Variants in SHANK2 observed in about 807,000 individuals in gnomAD.
The protein encoded by SHANK2 is SH3 and multiple ankyrin repeat domains 2, also known as SH3 and multiple ankyrin repeat domains protein 2.
A neutral mutation model predicts 133.7 loss-of-function variants in SHANK2; 43 were observed. The ratio of observed to expected loss-of-function variants is 0.32; its 90% CI spans 0.25 to 0.41. The LOEUF (loss-of-function observed/expected upper bound fraction) is 0.41, where lower values mean the gene tolerates loss of function less well. SHANK2 is among the 10% of genes least tolerant of loss of function. SHANK2 has a pLI of 1.00. For synonymous variants in SHANK2, 1,017 were observed against 952.8 expected, an observed-to-expected ratio of 1.07 and a Z score of -1.24; for missense variants, 1,994 against 2,235.8, an observed-to-expected ratio of 0.89 and a Z score of 2.18.
In SHANK2 at chr11:70,522,455, C is replaced by T. The variant is rs1003568235; in HGVS notation, c.2062-19524G>A. On this transcript the variant is annotated intron_variant, in intron 17 of 25. Transcript: ENST00000601538. ...CGGGCGCCCTCCCAGGGCAGCCACA[C>T]TTCTGCACGTGCAGGGTTCTCATTA... Among the ~76,000 whole-genome samples, 7 of 152,260 alleles carry T rather than the reference C, an allele frequency of 4.6e-5. No individual in the cohort carries two copies. In the East Asian group the frequency reaches 1.3e-3, roughly 29 times the overall value.
chr11:70,893,117 G>A (rs527486355), intron 11 of SHANK2, among the ~76,000 whole-genome samples: 2 of 152,348 alleles, frequency 1.3e-5, no homozygotes, highest in South Asian at 2.1e-4. Context: ...GCATCTGGAC[G>A]TGGAGGTTTG....
chr11:70,709,761 T>C (rs1214659157), intron 14 of SHANK2, among the ~76,000 whole-genome samples: 1 of 151,202 alleles, frequency 6.6e-6, no homozygotes, highest in Non-Finnish European at 1.5e-5. Context: ...AGATTTGGGG[T>C]TGGGGAAGAG....
chr11:70,639,023 A>C (rs2509836), intron 17 of SHANK2, among the ~76,000 whole-genome samples: 63,259 of 151,724 alleles, frequency 0.42, 13,605 homozygotes, highest in Middle Eastern at 0.48. Flanking sequence ...CAAAAAAAAA[A>C]CAAAAAAAAC....
intron 17 of SHANK2, among the ~76,000 whole-genome samples, chr11:70,579,167 G>A (rs1159416959): frequency 3.9e-5 from 6 of 152,222 alleles, no homozygotes; most frequent in African/African-American, 1.4e-4. Flanking sequence ...CCCCTGGCAA[G>A]GTGGCCAAGG....
intron 17 of SHANK2, chr11:70,571,386 G>A (rs1393052399): frequency 6.6e-6 from 1 of 152,254 alleles, no homozygotes; most frequent in Non-Finnish European, 1.5e-5. Context: ...TCTCGGCTAG[G>A]CCACTGGGCC....
At chr11:71,161,199 A>G (rs1953007522) in intron 2 of SHANK2, among the ~76,000 whole-genome samples, 1 of 152,192 alleles carries the variant, frequency 6.6e-6, no homozygotes, top group Non-Finnish European at 1.5e-5. Flanking sequence ...AGATCTCAAG[A>G]TGGACAAAAT....
intron 17 of SHANK2, among the ~76,000 whole-genome samples, chr11:70,628,454 A>G (rs80139118): frequency 0.02 from 3,016 of 152,288 alleles, 44 homozygotes; most frequent in Non-Finnish European, 0.031. Flanking sequence ...TCGCAAAGTA[A>G]GCATAGTCAC....
chr11:71,142,140 A>G (rs1473325326), intron 3 of SHANK2, among the ~76,000 whole-genome samples: 2 of 152,236 alleles, frequency 1.3e-5, no homozygotes, highest in African/African-American at 2.4e-5. Flanking sequence ...GCATGACTAC[A>G]GTAAATTAGA....
At chr11:70,706,875 C>T (rs1945673207) in intron 14 of SHANK2, among the ~76,000 whole-genome samples, 1 of 152,104 alleles carries the variant, frequency 6.6e-6, no homozygotes, top group African/African-American at 2.4e-5. Flanking sequence ...AGCAGGGCTG[C>T]TGGAAAGAGG....
chr11:70,642,577 C>T lies in SHANK2; in HGVS notation c.2061+17251G>A, dbSNP rs1440252708. Among the ~76,000 whole-genome samples the T allele has an allele frequency of 2.6e-5, 4 of 152,292 alleles. No individual in the cohort carries two copies. In the South Asian group the frequency reaches 6.2e-4, roughly 24 times the overall value. On this transcript the variant is annotated intron_variant, in intron 17 of 25. Transcript: ENST00000601538. Reference sequence around the variant, plus strand: ...CCGAGAGGTGTCTCCCCTGTGTCCACGCTAGCTGGGTGCTTCCCTCCCACG... The same window carrying T: ...CCGAGAGGTGTCTCCCCTGTGTCCATGCTAGCTGGGTGCTTCCCTCCCACG...
chr11:71,078,365 A>G lies in SHANK2; in HGVS notation c.913-3090T>C, dbSNP rs966122065. Among the ~76,000 whole-genome samples, 13 of 152,288 alleles carry G rather than the reference A, an allele frequency of 8.5e-5. No homozygotes were observed. The South Asian group carries it at 1.9e-3, about 22-fold the overall frequency. On this transcript the variant is annotated intron_variant, in intron 8 of 25. Transcript: ENST00000601538. ...GAGAAAGCTTTTCTTTACAACAGCA[A>G]GCCAACTAATAATGTAGAAGCAATG...
At chr11:70,498,326 G>C (rs556162002) in intron 21 of SHANK2, among the ~76,000 whole-genome samples, 1 of 152,392 alleles carries the variant, frequency 6.6e-6, no homozygotes. Flanking sequence ...GCTGTTGCCA[G>C]TTGGCCGGCC....
intron 10 of SHANK2, among the ~76,000 whole-genome samples, chr11:70,921,785 T>A (rs1214283723): frequency 2.0e-5 from 3 of 152,216 alleles, no homozygotes; most frequent in Non-Finnish European, 4.4e-5. Context: ...CTTCTCTCTA[T>A]CTGCCTGACA....
chr11:70,694,655 T>A (rs1366100940), intron 15 of SHANK2, among the ~76,000 whole-genome samples: 1 of 152,228 alleles, frequency 6.6e-6, no homozygotes, highest in Non-Finnish European at 1.5e-5. Context: ...TCTGCACCCA[T>A]GCCCTGGTGA....
chr11:70,792,243 T>G (rs1418067492), intron 14 of SHANK2, among the ~76,000 whole-genome samples: 2 of 144,066 alleles, frequency 1.4e-5, no homozygotes, highest in African/African-American at 5.3e-5. Flanking sequence ...AGACAGCTAA[T>G]CAACCAACCA....
chr11:70,551,007 C>T (rs186495343), intron 17 of SHANK2, among the ~76,000 whole-genome samples: 94 of 152,336 alleles, frequency 6.2e-4, no homozygotes, highest in Non-Finnish European at 1.1e-3. Flanking sequence ...ACTGAGAAGG[C>T]GATGCCCCTG....
At chr11:70,792,546 C>G (rs565240417) in intron 14 of SHANK2, among the ~76,000 whole-genome samples, 1 of 152,242 alleles carries the variant, frequency 6.6e-6, no homozygotes, top group Non-Finnish European at 1.5e-5. Context: ...CACTTCTTTA[C>G]TGAGTTATTC....
chr11:70,636,426 A>C (rs1189537325), intron 17 of SHANK2, among the ~76,000 whole-genome samples: 1 of 150,674 alleles, frequency 6.6e-6, no homozygotes, highest in Non-Finnish European at 1.5e-5. Flanking sequence ...CATGTGTGCA[A>C]GTGTGTGAGC....
At chr11:70,762,064 C>T (rs1947008839) in intron 14 of SHANK2, among the ~76,000 whole-genome samples, 1 of 152,218 alleles carries the variant, frequency 6.6e-6, no homozygotes, top group Non-Finnish European at 1.5e-5. Flanking sequence ...GTTCTTTTTG[C>T]AGCGCCCCAG....
Sources: allele counts gnomAD v4.1 joint callset (sites outside exome capture counted in the v4.1 genomes callset), GRCh38; gene constraint gnomAD v4.1.1; transcripts MANE v1.5; gene names NCBI Gene and HGNC (gene_info 2026-07-23, HGNC 2026-07-21).